The following CSMD1 variants were observed in gnomAD, a reference collection of about 807,000 sequenced individuals.
CSMD1 encodes the protein CUB and Sushi multiple domains 1, also known as CUB and sushi domain-containing protein 1.
Under a neutral mutation model 417.5 loss-of-function variants are expected in CSMD1, and 213 were observed. The ratio of observed to expected loss-of-function variants is 0.51; its 90% CI spans 0.46 to 0.57. The LOEUF is 0.57. CSMD1 is among the 20% of genes least tolerant of loss of function. CSMD1 has a pLI of 0.00. For synonymous variants in CSMD1, 2,862 were observed against 1,736.8 expected, an observed-to-expected ratio of 1.65 and a Z score of -16.11; for missense variants, 6,923 against 4,529.7, an observed-to-expected ratio of 1.53 and a Z score of -15.17.
intron 3 of CSMD1, among the ~76,000 whole-genome samples, chr8:4,073,912 T>C (rs1054462460): frequency 1.2e-4 from 18 of 152,172 alleles, no homozygotes; most frequent in East Asian, 9.7e-4. Flanking sequence ...TTTCAAGTAG[T>C]CTTAATCTAT....
chr8:4,977,986 T>C (rs1382155946), intron 1 of CSMD1, among the ~76,000 whole-genome samples: 2 of 152,192 alleles, frequency 1.3e-5, no homozygotes, highest in Non-Finnish European at 2.9e-5. Context: ...TTACGAGGTT[T>C]CCCTGTTGAT....
At chr8:4,070,415 T>C (rs1391980865) in intron 3 of CSMD1, among the ~76,000 whole-genome samples, 3 of 152,190 alleles carry the variant, frequency 2.0e-5, no homozygotes, top group African/African-American at 4.8e-5. Context: ...TGGAGTGCAG[T>C]GGTGGGATCT....
chr8:3,086,220 C>G (rs1397712627), intron 49 of CSMD1, among the ~76,000 whole-genome samples: 2 of 152,074 alleles, frequency 1.3e-5, no homozygotes, highest in Non-Finnish European at 2.9e-5. Flanking sequence ...TCTAATCATT[C>G]CTAATGAAGT....
At chr8:3,540,774 T>G (rs6991241) in intron 10 of CSMD1, among the ~76,000 whole-genome samples, 3,763 of 152,006 alleles carry the variant, frequency 0.025, 164 homozygotes, top group African/African-American at 0.086. Flanking sequence ...TCAACAAACA[T>G]GAAAAAAAGC....
chr8:4,632,183 G>C (rs990043380), intron 2 of CSMD1, among the ~76,000 whole-genome samples: 2 of 152,140 alleles, frequency 1.3e-5, no homozygotes, highest in Admixed American at 6.5e-5. Context: ...GCAGGGATGA[G>C]TTGCCCTGAA....
At chr8:4,936,526 C>G (rs779310032) in intron 1 of CSMD1, among the ~76,000 whole-genome samples, 3 of 152,140 alleles carry the variant, frequency 2.0e-5, no homozygotes, top group Non-Finnish European at 2.9e-5. Context: ...ATGGATTGTA[C>G]CTTCGTGAAT....
At chr8:3,065,990 T>G (rs753962404) in intron 49 of CSMD1, among the ~76,000 whole-genome samples, 2 of 152,170 alleles carry the variant, frequency 1.3e-5, no homozygotes, top group Non-Finnish European at 2.9e-5. Context: ...CAATGGCAAA[T>G]GACTGTTCAG....
At chr8:3,075,521 T>C (rs1407332777) in intron 49 of CSMD1, among the ~76,000 whole-genome samples, 1 of 151,852 alleles carries the variant, frequency 6.6e-6, no homozygotes, top group Non-Finnish European at 1.5e-5. Flanking sequence ...CCTCAGCTGT[T>C]CTGTCCACCT....
chr8:3,417,765 T>C (rs1267127464), intron 12 of CSMD1, among the ~76,000 whole-genome samples: 1 of 152,140 alleles, frequency 6.6e-6, no homozygotes, highest in Non-Finnish European at 1.5e-5. Context: ...CCTAAACTAA[T>C]TGATATATTT....
intron 1 of CSMD1, among the ~76,000 whole-genome samples, chr8:4,811,603 C>G (rs1053416790): frequency 9.9e-5 from 15 of 152,090 alleles, no homozygotes; most frequent in Admixed American, 3.3e-4. Flanking sequence ...ATTAAAATGT[C>G]TTATAACACA....
At chr8:3,674,901 C>T (rs368453590) in intron 7 of CSMD1, among the ~76,000 whole-genome samples, 1 of 152,138 alleles carries the variant, frequency 6.6e-6, no homozygotes, top group South Asian at 2.1e-4. Context: ...TGTTTATATC[C>T]TGGAAGATAA....
intron 1 of CSMD1, among the ~76,000 whole-genome samples, chr8:4,901,662 G>A (rs1050989550): frequency 2.6e-5 from 4 of 152,092 alleles, no homozygotes; most frequent in Non-Finnish European, 5.9e-5. Context: ...AAGGCTCTTT[G>A]TAGCTTTAAA....
At chr8:4,381,859 G>C (rs1563114906) in intron 3 of CSMD1, among the ~76,000 whole-genome samples, 2 of 151,978 alleles carry the variant, frequency 1.3e-5, no homozygotes, top group South Asian at 4.2e-4. Context: ...CATCACCTAG[G>C]CTCTCTTTGC....
chr8:4,764,802 G>C (rs750110164), intron 1 of CSMD1, among the ~76,000 whole-genome samples: 6 of 147,330 alleles, frequency 4.1e-5, no homozygotes, highest in East Asian at 2.0e-4. Flanking sequence ...GAACCCAGGA[G>C]GCAGAGCTTG....
chr8:3,583,658 C>G (rs1291039347), intron 9 of CSMD1, among the ~76,000 whole-genome samples: 1 of 151,940 alleles, frequency 6.6e-6, no homozygotes, highest in Non-Finnish European at 1.5e-5. Context: ...AAACAGGAAT[C>G]AGGGCTGGGT....
At chr8:4,462,466 G>A (rs1209730128) in intron 2 of CSMD1, among the ~76,000 whole-genome samples, 4 of 152,014 alleles carry the variant, frequency 2.6e-5, no homozygotes, top group East Asian at 1.9e-4. Context: ...AATCTCTGCT[G>A]GCTTATTTGC....
At chr8:4,612,213 C>T (rs1479587565) in intron 2 of CSMD1, among the ~76,000 whole-genome samples, 1 of 152,128 alleles carries the variant, frequency 6.6e-6, no homozygotes, top group Admixed American at 6.5e-5. Context: ...ACACTGCCTT[C>T]ATCACCTTTG....
At chr8:3,309,909 CTAAGAAAATTTCCTTCCA>C (rs1424318911) in intron 23 of CSMD1, among the ~76,000 whole-genome samples, 1 of 152,190 alleles carries the variant, frequency 6.6e-6, no homozygotes, top group African/African-American at 2.4e-5. Flanking sequence ...CACTCAGTGA[CTAAGAAAATTTCCTTCCA>C]TAAAGTTTCC....
At chr8:4,188,152 G>A (rs188732227) in intron 3 of CSMD1, among the ~76,000 whole-genome samples, 7 of 152,188 alleles carry the variant, frequency 4.6e-5, no homozygotes, top group East Asian at 3.9e-4. Context: ...ACATCCTAAC[G>A]TATTTAAATT....
Sources: gnomAD v4.1 joint callset for allele counts (sites outside exome capture counted in the v4.1 genomes callset) on GRCh38, gnomAD v4.1.1 for gene constraint, MANE v1.5 for transcripts, NCBI Gene and HGNC (gene_info 2026-07-23, HGNC 2026-07-21) for gene names.